Variants in RPS6KC1 observed in about 807,000 individuals in gnomAD.
RPS6KC1 encodes ribosomal protein S6 kinase C1, also known as inactive ribosomal protein S6 kinase delta-1.
A neutral mutation model predicts 103.8 loss-of-function variants in RPS6KC1; 54 were observed. That is an observed-to-expected ratio of 0.52 (90% CI 0.42 to 0.65). The LOEUF is 0.65. Among genes scored for constraint, RPS6KC1 ranks in the 30% least tolerant of loss-of-function variants. The pLI, the probability that RPS6KC1 is intolerant of heterozygous loss-of-function variation, is 0.00. For missense variants in RPS6KC1, 1,151 were observed against 1,253.8 expected (o/e 0.92, Z 1.24); for synonymous variants, 439 against 438.7 (o/e 1.00, Z -0.01).
At chr1:213,235,869 A>C (rs2094209696) in intron 10 of RPS6KC1, among the ~76,000 whole-genome samples, 1 of 152,320 alleles carries the variant, frequency 6.6e-6, no homozygotes, top group African/African-American at 2.4e-5. Context: ...AGGAGAGCAG[A>C]AGGAAAAGCA....
the RPS6KC1 span, among the ~76,000 whole-genome samples, chr1:213,751,243 G>A: frequency 6.6e-6 from 1 of 152,116 alleles, no homozygotes; most frequent in Non-Finnish European, 1.5e-5. Flanking sequence ...CAGCCAGGAT[G>A]GGCTGGGAAC....
At chr1:213,115,206 TATTG>T (rs1163581053) in intron 4 of RPS6KC1, among the ~76,000 whole-genome samples, 1 of 152,120 alleles carries the variant, frequency 6.6e-6, no homozygotes, top group African/African-American at 2.4e-5. Flanking sequence ...GTTGGTAAGC[TATTG>T]ATTATTGCCA....
chr1:213,573,894 G>A, the RPS6KC1 span, among the ~76,000 whole-genome samples: 4 of 152,178 alleles, frequency 2.6e-5, no homozygotes, highest in East Asian at 7.7e-4. Context: ...TTATGGAAAT[G>A]CCAGAAGTGA....
At chr1:213,749,155 A>C in the RPS6KC1 span, among the ~76,000 whole-genome samples, 2 of 152,304 alleles carry the variant, frequency 1.3e-5, no homozygotes, top group East Asian at 3.9e-4. Context: ...CTTACTCCAC[A>C]CTGAGCCCAT....
chr1:213,533,644 G>A, the RPS6KC1 span, among the ~76,000 whole-genome samples: 3 of 152,020 alleles, frequency 2.0e-5, no homozygotes, highest in Non-Finnish European at 4.4e-5. Context: ...AAGGTTTTTT[G>A]GACTACCCTC....
chr1:213,598,513 C>A, the RPS6KC1 span, among the ~76,000 whole-genome samples: 2 of 152,076 alleles, frequency 1.3e-5, no homozygotes, highest in Non-Finnish European at 2.9e-5. Flanking sequence ...ACTGAATGAT[C>A]TTCAGAATCC....
At position 213,196,267 on chromosome 1, in the gene RPS6KC1, A is replaced by T. The variant is rs556155513; in HGVS notation, c.1044+19775A>T. ...CCATTTTTTCATATGTTTGTTGGCT[A>T]TTTGAATATCTTCTTTTGAGAATTG... is the stretch of plus-strand genomic sequence containing the variant. On this transcript the variant is annotated intron_variant, in intron 8 of 14. Coordinates refer to ENST00000366960, the MANE Select transcript of RPS6KC1 (RefSeq NM_012424.6). 1.1e-4 allele frequency among the ~76,000 whole-genome samples: 16 copies of T among 152,112 alleles called. No individual in the cohort carries two copies. In the East Asian group the frequency reaches 3.1e-3, roughly 29 times the overall value.
At chr1:213,363,680 T>C in the RPS6KC1 span, among the ~76,000 whole-genome samples, 12 of 105,414 alleles carry the variant, frequency 1.1e-4, no homozygotes, top group South Asian at 1.6e-3. Flanking sequence ...CTTTCTTTCT[T>C]TCTTTCTTTC....
At chr1:213,534,963 C>T in the RPS6KC1 span, among the ~76,000 whole-genome samples, 155 of 152,278 alleles carry the variant, frequency 1.0e-3, 1 homozygote, top group African/African-American at 3.7e-3. Context: ...ATTAAGTTCG[C>T]ACTGAGGACA....
the RPS6KC1 span, among the ~76,000 whole-genome samples, chr1:213,579,690 T>A: frequency 6.6e-6 from 1 of 152,044 alleles, no homozygotes; most frequent in African/African-American, 2.4e-5. Context: ...GCTGGTGACT[T>A]AGAGTTGGAA....
the RPS6KC1 span, among the ~76,000 whole-genome samples, chr1:213,589,707 T>C: frequency 5.3e-5 from 8 of 152,058 alleles, no homozygotes; most frequent in Admixed American, 2.0e-4. Context: ...CCAGGTCTCT[T>C]TGCCCTCAGA....
At chr1:213,338,573 T>TTA in the RPS6KC1 span, among the ~76,000 whole-genome samples, 2 of 152,194 alleles carry the variant, frequency 1.3e-5, no homozygotes, top group Admixed American at 6.5e-5. Context: ...AATTGAAGAA[T>TTA]TATTTTCTTC....
In RPS6KC1 at chr1:213,129,745, A is replaced by T; in HGVS notation, c.691A>T (p.Lys231Ter). Residue 231 changes from lysine (K) to a stop codon, truncating the protein, a stop_gained, in exon 6 of 15, where the codon AAG becomes TAG. Coordinates refer to ENST00000366960, the MANE Select transcript of RPS6KC1 (RefSeq NM_012424.6). LOFTEE classifies it high-confidence loss of function. ...ESRSLFPGSL[K>*]PKLGKRDYLE... Reference sequence around the variant, plus strand: ...TCGTAGCCTCTTTCCTGGCAGTTTAAAGCCGAAGCTTGGCAAGAGAGATTA... The same window carrying T: ...TCGTAGCCTCTTTCCTGGCAGTTTATAGCCGAAGCTTGGCAAGAGAGATTA... The T allele has an allele frequency of 6.2e-7, 1 of 1,614,124 alleles. No individual in the cohort carries two copies. Among genetic ancestry groups the T allele is most frequent in the Non-Finnish European group, 8.5e-7 (1 of 1,179,986 alleles).
At chr1:213,252,085 T>A (rs977039080) in intron 12 of RPS6KC1, among the ~76,000 whole-genome samples, 2 of 152,224 alleles carry the variant, frequency 1.3e-5, no homozygotes, top group Non-Finnish European at 2.9e-5. Context: ...AATGCTTTCT[T>A]CTGTGTTTCT....
chr1:213,198,715 A>G (rs1367130266), intron 8 of RPS6KC1, among the ~76,000 whole-genome samples: 1 of 152,218 alleles, frequency 6.6e-6, no homozygotes, highest in Non-Finnish European at 1.5e-5. Flanking sequence ...TCCAAAATAG[A>G]AAGCACCAGG....
chr1:213,812,110 C>G, the RPS6KC1 span, among the ~76,000 whole-genome samples: 1 of 151,742 alleles, frequency 6.6e-6, no homozygotes, highest in Non-Finnish European at 1.5e-5. Flanking sequence ...TTCACTTTAA[C>G]TTTTGTGGGA....
the RPS6KC1 span, among the ~76,000 whole-genome samples, chr1:213,618,384 G>A: frequency 6.6e-6 from 1 of 152,156 alleles, no homozygotes. Context: ...GGAGCAAAAT[G>A]GGAAGCTCTC....
chr1:213,280,210 A>C, the RPS6KC1 span, among the ~76,000 whole-genome samples: 1 of 152,088 alleles, frequency 6.6e-6, no homozygotes, highest in African/African-American at 2.4e-5. Context: ...ATAAAGAGAA[A>C]ATCGGGGCAA....
At chr1:213,731,852 G>C in the RPS6KC1 span, among the ~76,000 whole-genome samples, 1 of 152,066 alleles carries the variant, frequency 6.6e-6, no homozygotes, top group Non-Finnish European at 1.5e-5. Flanking sequence ...AATTATGATA[G>C]TCAACAGTAG....
Sources: gnomAD v4.1 joint callset for allele counts (sites outside exome capture counted in the v4.1 genomes callset) on GRCh38, gnomAD v4.1.1 for gene constraint, MANE v1.5 for transcripts, NCBI Gene and HGNC (gene_info 2026-07-23, HGNC 2026-07-21) for gene names.